Variants in SUGCT observed in about 807,000 individuals in gnomAD.
SUGCT encodes succinyl-CoA:glutarate-CoA transferase, also known as succinyl-CoA:glutarate CoA-transferase.
SUGCT carries 41 observed loss-of-function variants against 55.0 expected under a neutral mutation model. The observed-to-expected ratio is 0.74, with a 90% confidence interval of 0.58 to 0.97. The LOEUF (loss-of-function observed/expected upper bound fraction) is 0.97. Among genes scored for constraint, SUGCT ranks in the 50% least tolerant of loss-of-function variants. The pLI, the probability that SUGCT is intolerant of heterozygous loss-of-function variation, is 0.00. For synonymous variants in SUGCT, 187 were observed against 200.4 expected (o/e 0.93, Z 0.56); for missense variants, 568 against 547.8 (o/e 1.04, Z -0.37).
At chr7:40,869,383 C>A in the SUGCT span, among the ~76,000 whole-genome samples, 1 of 152,132 alleles carries the variant, frequency 6.6e-6, no homozygotes. Context: ...TGAGAGAAAA[C>A]CCAAGTGACA....
At chr7:40,912,651 G>T in the SUGCT span, among the ~76,000 whole-genome samples, 3 of 151,738 alleles carry the variant, frequency 2.0e-5, no homozygotes, top group East Asian at 5.8e-4. Context: ...TTGTAGTCAA[G>T]ATGTGTCCAT....
intron 8 of SUGCT, among the ~76,000 whole-genome samples, chr7:40,295,202 A>AC (rs1018678230): frequency 1.3e-5 from 2 of 150,452 alleles, no homozygotes; most frequent in Non-Finnish European, 3.0e-5. Context: ...TAATAAGTAA[A>AC]TTTTTTTTTT....
chr7:40,714,898 A>G (rs886855200), intron 12 of SUGCT, among the ~76,000 whole-genome samples: 1 of 152,202 alleles, frequency 6.6e-6, no homozygotes. Flanking sequence ...AATCAGTCTA[A>G]ACTCCCACAC....
chr7:40,391,193 G>A lies in SUGCT; in HGVS notation c.817-58094G>A, dbSNP rs77024938. Among the ~76,000 whole-genome samples, 667 of 151,948 alleles carry A rather than the reference G, an allele frequency of 4.4e-3. 3 individuals carry two copies. Among genetic ancestry groups the A allele is most frequent in the African/African-American group, 0.015 (636 of 41,404 alleles). ...AACCATAAAAACCCTAGAAGAAAAC[G>A]TAGGCAATACCATTCAGGACATAGG... On this transcript the variant is annotated intron_variant, in intron 9 of 13. Transcript: ENST00000335693.
chr7:40,597,388 T>G (rs1279851608), intron 12 of SUGCT, among the ~76,000 whole-genome samples: 1 of 152,220 alleles, frequency 6.6e-6, no homozygotes, highest in Non-Finnish European at 1.5e-5. Flanking sequence ...ATGAGCAATA[T>G]GCATTTGATT....
chr7:40,596,515 C>T (rs1798015656), intron 12 of SUGCT, among the ~76,000 whole-genome samples: 1 of 152,036 alleles, frequency 6.6e-6, no homozygotes, highest in African/African-American at 2.4e-5. Flanking sequence ...AGTTGAATAC[C>T]TAGGAAGTCA....
chr7:40,304,714 A>G (rs1447540485), intron 8 of SUGCT, among the ~76,000 whole-genome samples: 1 of 98,484 alleles, frequency 1.0e-5, no homozygotes, highest in East Asian at 2.9e-4. Flanking sequence ...GAGTTACTTC[A>G]CTTAGAATAA....
intron 13 of SUGCT, among the ~76,000 whole-genome samples, chr7:40,795,265 A>G (rs1790496423): frequency 6.6e-6 from 1 of 152,154 alleles, no homozygotes; most frequent in African/African-American, 2.4e-5. Context: ...GTTAGCAGAG[A>G]GCCAAGACAA....
At chr7:40,635,502 TC>T (rs1291178257) in intron 12 of SUGCT, among the ~76,000 whole-genome samples, 3 of 152,086 alleles carry the variant, frequency 2.0e-5, no homozygotes, top group Non-Finnish European at 4.4e-5. Flanking sequence ...CTAAAGAAAG[TC>T]ATGAGTTATC....
the SUGCT span, chr7:40,965,813 C>T: frequency 6.6e-6 from 1 of 152,152 alleles, no homozygotes; most frequent in Non-Finnish European, 1.5e-5. Context: ...TTAAAATGGA[C>T]AATGGAAAAT....
chr7:40,648,750 A>G (rs1800640999), intron 12 of SUGCT, among the ~76,000 whole-genome samples: 1 of 152,180 alleles, frequency 6.6e-6, no homozygotes, highest in African/African-American at 2.4e-5. Flanking sequence ...ACTTTATTTC[A>G]TTTCAGCTAC....
chr7:40,445,142 AAGATC>A (rs1215847870), intron 9 of SUGCT, among the ~76,000 whole-genome samples: 1 of 152,150 alleles, frequency 6.6e-6, no homozygotes, highest in Non-Finnish European at 1.5e-5. Flanking sequence ...AGAAATAACT[AAGATC>A]AGAGCAGAAC....
At chr7:40,182,111 A>C (rs1785247076) in intron 3 of SUGCT, 83 bp downstream of exon 3, 1 of 765,356 alleles carries the variant, frequency 1.3e-6, no homozygotes, top group South Asian at 1.8e-5. Flanking sequence ...TGTTTAGTGT[A>C]CCTATAAGTG....
chr7:40,988,888 T>C, the SUGCT span, among the ~76,000 whole-genome samples: 3 of 70,226 alleles, frequency 4.3e-5, no homozygotes, highest in Non-Finnish European at 1.1e-4. Flanking sequence ...ATTCTTAATT[T>C]TTGTAGTTTT....
At position 40,326,505 on chromosome 7, in the gene SUGCT, G is replaced by A. The variant is rs572283185; in HGVS notation, c.816+9650G>A. 5.9e-5 allele frequency among the ~76,000 whole-genome samples: 9 copies of A among 152,184 alleles called. No homozygotes were observed. The East Asian group carries it at 1.7e-3, about 29-fold the overall frequency. ...CTGAATTTCTTTCTTAAACTTTATG[G>A]GATTTTTAGCTTAATTTCTTTTCAT... On this transcript the variant is annotated intron_variant, in intron 9 of 13. Coordinates refer to ENST00000335693, the MANE Select transcript of SUGCT (RefSeq NM_001193313.2).
At chr7:40,272,186 A>G (rs1353132501) in intron 7 of SUGCT, among the ~76,000 whole-genome samples, 2 of 64,440 alleles carry the variant, frequency 3.1e-5, no homozygotes, top group African/African-American at 7.8e-5. Context: ...ATATATATAT[A>G]TATATATACA....
the SUGCT span, among the ~76,000 whole-genome samples, chr7:41,000,265 T>C: frequency 2.0e-5 from 3 of 152,006 alleles, no homozygotes; most frequent in Non-Finnish European, 2.9e-5. Context: ...GGCATGCACA[T>C]GCACACACAC....
At chr7:40,772,885 A>G (rs1486787992) in intron 13 of SUGCT, among the ~76,000 whole-genome samples, 1 of 152,082 alleles carries the variant, frequency 6.6e-6, no homozygotes, top group Non-Finnish European at 1.5e-5. Flanking sequence ...ACGGCCTCCC[A>G]CAGTGCTGAG....
At chr7:40,497,390 G>A (rs1792042629) in intron 12 of SUGCT, among the ~76,000 whole-genome samples, 1 of 151,960 alleles carries the variant, frequency 6.6e-6, no homozygotes, top group Non-Finnish European at 1.5e-5. Flanking sequence ...ACATTTACTG[G>A]AGAAAAAAAG....
Sources: allele counts gnomAD v4.1 joint callset (sites outside exome capture counted in the v4.1 genomes callset), GRCh38; gene constraint gnomAD v4.1.1; transcripts MANE v1.5; gene names NCBI Gene and HGNC (gene_info 2026-07-23, HGNC 2026-07-21).